TMEM132D: variants seen among roughly 807,000 people sequenced by gnomAD.
TMEM132D encodes mature OL transmembrane protein.
TMEM132D carries 21 observed loss-of-function variants against 62.3 expected under a neutral mutation model. That is an observed-to-expected ratio of 0.34 (90% CI 0.24 to 0.49). The LOEUF is 0.49. Among genes scored for constraint, TMEM132D ranks in the 20% least tolerant of loss-of-function variants. TMEM132D has a pLI of 0.99. For synonymous variants in TMEM132D, 621 were observed against 575.6 expected (o/e 1.08, Z -1.13); for missense variants, 1,346 against 1,402.8 (o/e 0.96, Z 0.65).
rs1337025061 is a variant in TMEM132D, at chr12:129,779,311, C to T, written c.80-78613G>A. Among the ~76,000 whole-genome samples, 1 of 152,184 alleles carries T rather than the reference C, an allele frequency of 6.6e-6. No individual in the cohort carries two copies. The highest frequency in any genetic ancestry group is 2.4e-5 in the African/African-American group (1 of 41,446). On this transcript the variant is annotated intron_variant, in intron 1 of 8. Transcript: ENST00000422113. This position sits in a 1 kb window ranked among gnomAD's most constrained non-coding sequence, Gnocchi z 4.1. Reference sequence around the variant, plus strand: ...CTCAGTGATTTTTGTTTGTTTGAGACAGGGTCTCACTTTGTCGCCCAGGCT... The same window carrying T: ...CTCAGTGATTTTTGTTTGTTTGAGATAGGGTCTCACTTTGTCGCCCAGGCT...
At chr12:129,199,296 T>A (rs904587746) in intron 5 of TMEM132D, among the ~76,000 whole-genome samples, 1 of 152,044 alleles carries the variant, frequency 6.6e-6, no homozygotes, top group Non-Finnish European at 1.5e-5. Context: ...GAGATAGGGT[T>A]TCGCCATGTT....
At chr12:129,637,902 C>G (rs376732655) in intron 2 of TMEM132D, among the ~76,000 whole-genome samples, 1 of 152,152 alleles carries the variant, frequency 6.6e-6, no homozygotes. Context: ...AGAATAGCAC[C>G]AAGGGGTGGT....
rs1027019664 is a variant in TMEM132D at position 129,312,195 on chromosome 12, G to T, written c.1299+25439C>A. ...GTCAAATTCAAAGGTGTACTGTGGA[G>T]ACAAAGCAGACAGCTGCGTTTAACA... On this transcript the variant is annotated intron_variant, in intron 4 of 8. Coordinates refer to ENST00000422113, the MANE Select transcript of TMEM132D (RefSeq NM_133448.3). 2.0e-5 allele frequency among the ~76,000 whole-genome samples: 3 copies of T among 152,184 alleles called. No homozygotes were observed. The South Asian group carries it at 6.2e-4, about 32-fold the overall frequency.
At chr12:129,487,978 T>C (rs1874642324) in intron 3 of TMEM132D, among the ~76,000 whole-genome samples, 1 of 136,170 alleles carries the variant, frequency 7.3e-6, no homozygotes, top group South Asian at 2.5e-4. Context: ...GAATCTGGCC[T>C]AATCAAGGAG....
At chr12:129,202,463 A>T (rs1359960777) in intron 5 of TMEM132D, among the ~76,000 whole-genome samples, 1 of 152,218 alleles carries the variant, frequency 6.6e-6, no homozygotes, top group African/African-American at 2.4e-5. Context: ...TGTAAAATAA[A>T]TGCTGTGAGG....
rs192265030 is a variant in TMEM132D, at chr12:129,326,301, G to C, written c.1299+11333C>G. Among the ~76,000 whole-genome samples, 30 of 152,250 alleles carry C rather than the reference G, an allele frequency of 2.0e-4. No homozygotes were observed. The East Asian group carries it at 4.6e-3, about 23-fold the overall frequency. ...ATCATAATTGGGGATTGTAGGGGGG[G>C]ATTTTCAACCCCCAGAATGAGGAAC... On this transcript the variant is annotated intron_variant, in intron 4 of 8. Transcript: ENST00000422113.
chr12:129,859,453 T>C (rs771069385), intron 1 of TMEM132D, among the ~76,000 whole-genome samples: 3 of 152,222 alleles, frequency 2.0e-5, no homozygotes, highest in Non-Finnish European at 4.4e-5. Context: ...CAACATGTGA[T>C]GGTTAATATT....
intron 1 of TMEM132D, among the ~76,000 whole-genome samples, chr12:129,871,558 G>A (rs779394315): frequency 9.9e-5 from 15 of 151,978 alleles, no homozygotes; most frequent in African/African-American, 3.6e-4. Context: ...ACACCAAGTC[G>A]AAATCCACTT....
At chr12:129,367,622 G>A (rs534155169) in intron 3 of TMEM132D, among the ~76,000 whole-genome samples, 12 of 152,102 alleles carry the variant, frequency 7.9e-5, no homozygotes, top group South Asian at 6.2e-4. Context: ...CCATCTCCGC[G>A]GCCAAGAGGA....
chr12:129,387,399 A>G (rs1412614833), intron 3 of TMEM132D, among the ~76,000 whole-genome samples: 1 of 151,958 alleles, frequency 6.6e-6, no homozygotes, highest in Non-Finnish European at 1.5e-5. Flanking sequence ...TAACATCAAC[A>G]TCAACCATAT....
In TMEM132D at chr12:129,216,178, A is replaced by AT. The variant is rs1357570724; in HGVS notation, c.1300-6516dup. Among the ~76,000 whole-genome samples the AT allele has an allele frequency of 3.9e-5, 6 of 152,202 alleles. No homozygotes were observed. In the East Asian group the frequency reaches 1.2e-3, roughly 29 times the overall value. On this transcript the variant is annotated intron_variant, in intron 4 of 8. Transcript: ENST00000422113. ...GCTATAACATGAGCATAATGATGGT[A>AT]TGTACCTCTTGGGTTTGCCCTAGAT...
chr12:129,321,439 C>T (rs1868701918), intron 4 of TMEM132D, among the ~76,000 whole-genome samples: 1 of 152,204 alleles, frequency 6.6e-6, no homozygotes, highest in South Asian at 2.1e-4. Flanking sequence ...TCTCGTTATT[C>T]AGAAAGCTTC....
intron 3 of TMEM132D, among the ~76,000 whole-genome samples, chr12:129,412,705 T>C (rs2135706624): frequency 6.6e-6 from 1 of 152,204 alleles, no homozygotes; most frequent in Non-Finnish European, 1.5e-5. Context: ...AATACAAAAT[T>C]AGCTGGGTGT....
chr12:129,397,760 C>G (rs1308932653), intron 3 of TMEM132D, among the ~76,000 whole-genome samples: 3 of 152,144 alleles, frequency 2.0e-5, no homozygotes, highest in Non-Finnish European at 4.4e-5. Flanking sequence ...TAGAATAGAA[C>G]TGAAAGGAAA....
At chr12:129,120,150 G>T (rs921088246) in intron 5 of TMEM132D, among the ~76,000 whole-genome samples, 2 of 152,168 alleles carry the variant, frequency 1.3e-5, no homozygotes, top group Non-Finnish European at 2.9e-5. Context: ...TAGAAGCACT[G>T]CATAAGACCA....
intron 3 of TMEM132D, among the ~76,000 whole-genome samples, chr12:129,491,992 C>T (rs1260207769): frequency 2.0e-5 from 3 of 151,750 alleles, no homozygotes; most frequent in East Asian, 1.9e-4. Flanking sequence ...ATACTTGTTT[C>T]GATTTTATAC....
At chr12:129,812,629 C>T (rs947389734) in intron 1 of TMEM132D, among the ~76,000 whole-genome samples, 5 of 151,728 alleles carry the variant, frequency 3.3e-5, no homozygotes, top group Admixed American at 6.6e-5. Context: ...TTCTCTTGAC[C>T]GCTCAACAGC....
chr12:129,172,610 C>T (rs1877768713), intron 5 of TMEM132D, among the ~76,000 whole-genome samples: 1 of 152,160 alleles, frequency 6.6e-6, no homozygotes, highest in Non-Finnish European at 1.5e-5. Context: ...TAGAGTTTCA[C>T]TCTTGTTGCC....
intron 3 of TMEM132D, among the ~76,000 whole-genome samples, chr12:129,391,147 C>T (rs902547303): frequency 6.6e-6 from 1 of 152,200 alleles, no homozygotes; most frequent in Non-Finnish European, 1.5e-5. Flanking sequence ...CTTGCAATTT[C>T]ATTGTTTTCC....
Sources: gnomAD v4.1 joint callset for allele counts (sites outside exome capture counted in the v4.1 genomes callset) on GRCh38, gnomAD v4.1.1 for gene constraint, Gnocchi (gnomAD v3.1) non-coding constraint, MANE v1.5 for transcripts, NCBI Gene and HGNC (gene_info 2026-07-23, HGNC 2026-07-21) for gene names.